The following CDO1 variants were observed in gnomAD, a reference collection of about 807,000 sequenced individuals.
CDO1 encodes the protein cysteine dioxygenase type 1.
Under a neutral mutation model 24.5 loss-of-function variants are expected in CDO1, and 19 were observed. The ratio of observed to expected loss-of-function variants is 0.77; its 90% CI spans 0.54 to 1.14. CDO1 has a LOEUF of 1.14. CDO1 is among the 50% of genes most tolerant of loss of function. CDO1 has a pLI of 0.00. For synonymous variants in CDO1, 91 were observed against 87.0 expected (o/e 1.05, Z -0.26); for missense variants, 244 against 244.8 (o/e 1.00, Z 0.02).
At chr5:115,815,578 A>G (rs967648763) in intron 1 of CDO1, among the ~76,000 whole-genome samples, 4 of 152,232 alleles carry the variant, frequency 2.6e-5, no homozygotes, top group Non-Finnish European at 5.9e-5. Flanking sequence ...AGGGAACAGC[A>G]GAAATTCCGT....
At chr5:115,813,348 C>A in intron 1 of CDO1, 90 bp from the exon 2 acceptor site, 1 of 711,506 alleles carries the variant, frequency 1.4e-6, no homozygotes, top group South Asian at 1.7e-5. Context: ...ACCATTTATT[C>A]ACAAATGTTA....
chr5:115,811,850 G>T lies in CDO1; in HGVS notation c.249-535C>A, dbSNP rs143080296. ...TCTATATGTGTATTACCATCCTAAA[G>T]TTACACTGTATATAAAATGTTAACA... On this transcript the variant is annotated intron_variant, in intron 2 of 4. Transcript: ENST00000250535. Among the ~76,000 whole-genome samples the T allele has an allele frequency of 3.0e-3, 450 of 152,164 alleles. 2 individuals carry two copies. The highest frequency in any genetic ancestry group is 0.01 in the African/African-American group (431 of 41,540).
intron 2 of CDO1, among the ~76,000 whole-genome samples, chr5:115,812,276 A>T (rs1265329391): frequency 6.6e-6 from 1 of 152,182 alleles, no homozygotes; most frequent in African/African-American, 2.4e-5. Flanking sequence ...ATAAAAATGG[A>T]TCTAAATTAT....
chr5:115,812,059 T>C (rs1482770312), intron 2 of CDO1, among the ~76,000 whole-genome samples: 1 of 152,194 alleles, frequency 6.6e-6, no homozygotes, highest in Non-Finnish European at 1.5e-5. Flanking sequence ...TTTTGGGTAT[T>C]CATTTCATCT....
At chr5:115,815,820 C>A (rs1420596962) in intron 1 of CDO1, among the ~76,000 whole-genome samples, 1 of 152,202 alleles carries the variant, frequency 6.6e-6, no homozygotes, top group Non-Finnish European at 1.5e-5. Context: ...AACCTGAGTG[C>A]GGTCTCTCCG....
chr5:115,813,622 G>GT (rs11347287), intron 1 of CDO1, among the ~76,000 whole-genome samples: 376 of 145,038 alleles, frequency 2.6e-3, no homozygotes, highest in South Asian at 4.0e-3. Flanking sequence ...TGTTGCTATT[G>GT]TTTTTTTTTT....
chr5:115,811,399 C>T (rs1289311362), intron 2 of CDO1, 84 bp from the exon 3 acceptor site: 1 of 939,488 alleles, frequency 1.1e-6, no homozygotes, highest in Non-Finnish European at 1.6e-6. Flanking sequence ...GAACTGACAC[C>T]TGCATACTGT....
chr5:115,815,333 G>T (rs1372456440), intron 1 of CDO1, among the ~76,000 whole-genome samples: 1 of 152,096 alleles, frequency 6.6e-6, no homozygotes, highest in East Asian at 1.9e-4. Flanking sequence ...AGAGAGATTC[G>T]ACTTAATCAC....
intron 3 of CDO1, among the ~76,000 whole-genome samples, chr5:115,807,705 A>T (rs1478067085): frequency 6.6e-6 from 1 of 152,024 alleles, no homozygotes; most frequent in African/African-American, 2.4e-5. Flanking sequence ...ACAGTTCAAG[A>T]GGTTTAATAT....
intron 1 of CDO1, among the ~76,000 whole-genome samples, chr5:115,815,203 C>G (rs998548715): frequency 1.3e-5 from 2 of 152,140 alleles, no homozygotes; most frequent in African/African-American, 4.8e-5. Context: ...TTCACTTACC[C>G]CTTTCTCCTA....
chr5:115,813,834 T>G (rs913704700), intron 1 of CDO1: 2 of 152,648 alleles, frequency 1.3e-5, no homozygotes, highest in Non-Finnish European at 1.5e-5. Flanking sequence ...TAAAGAACCC[T>G]CTAAACCTCT....
chr5:115,809,761 A>G (rs535393824), intron 3 of CDO1: 1 of 152,194 alleles, frequency 6.6e-6, no homozygotes, highest in Non-Finnish European at 1.5e-5. Flanking sequence ...GTCTACAGAA[A>G]TAATTAACAT....
Position 115,812,333 on chromosome 5 carries a change from G to A in CDO1, c.248+848C>T, listed in dbSNP as rs1760224442. Among the ~76,000 whole-genome samples, 4 of 152,290 alleles carry A rather than the reference G, an allele frequency of 2.6e-5. No individual in the cohort carries two copies. The South Asian group carries it at 8.3e-4, about 32-fold the overall frequency. Reference sequence around the variant, plus strand: ...TGAGAAAGGTATGTTTCAAAAGAGAGTAATACTTAGTTGATAATAAGACTG... The same window carrying A: ...TGAGAAAGGTATGTTTCAAAAGAGAATAATACTTAGTTGATAATAAGACTG... On this transcript the variant is annotated intron_variant, in intron 2 of 4. Transcript: ENST00000250535.
intron 3 of CDO1, among the ~76,000 whole-genome samples, chr5:115,810,539 TA>T (rs1415276736): frequency 2.0e-5 from 3 of 152,212 alleles, no homozygotes; most frequent in South Asian, 2.1e-4. Flanking sequence ...TAAAAGGGAA[TA>T]AAAAACTATC....
intron 3 of CDO1, among the ~76,000 whole-genome samples, chr5:115,810,558 C>G (rs145888888): frequency 3.2e-4 from 48 of 152,300 alleles, no homozygotes; most frequent in Non-Finnish European, 3.5e-4. Flanking sequence ...ATCTATCTGT[C>G]TCATATACAT....
intron 4 of CDO1, 136 bp from the exon 5 acceptor site, chr5:115,805,598 A>G: frequency 1.4e-6 from 1 of 711,550 alleles, no homozygotes; most frequent in East Asian, 2.7e-5. Context: ...TTTTTCCCGC[A>G]ATAAGAATAT....
At chr5:115,811,566 G>GT (rs774035954) in intron 2 of CDO1, among the ~76,000 whole-genome samples, 169 of 152,258 alleles carry the variant, frequency 1.1e-3, no homozygotes, top group Non-Finnish European at 1.6e-3. Context: ...CTAATGAACA[G>GT]TTTTTTTAAC....
Position 115,805,183 on chromosome 5 carries a change from C to G in CDO1, c.*250G>C. The G allele has an allele frequency of 8.9e-6, 4 of 449,680 alleles. No individual in the cohort carries two copies. Among genetic ancestry groups the G allele is most frequent in the Non-Finnish European group, 1.6e-5 (4 of 255,130 alleles). The allele number at this position is 449,680 out of a possible 1,614,324, so 27.9% of individuals were successfully genotyped here. ...GATTTAATGGAATTAGAGGATAGAA[C>G]TATGAGAGCACTTGAAAACTTGCCT... On this transcript the variant is annotated 3_prime_UTR_variant, in exon 5 of 5. Coordinates refer to ENST00000250535, the MANE Select transcript of CDO1 (RefSeq NM_001801.3).
At chr5:115,808,656 T>G (rs781026899) in intron 3 of CDO1, among the ~76,000 whole-genome samples, 6 of 152,042 alleles carry the variant, frequency 3.9e-5, no homozygotes, top group Non-Finnish European at 8.8e-5. Flanking sequence ...GATCAACGAA[T>G]CTGTGCTGAA....
Sources: gnomAD v4.1 joint callset for allele counts (sites outside exome capture counted in the v4.1 genomes callset) on GRCh38, gnomAD v4.1.1 for gene constraint, MANE v1.5 for transcripts, NCBI Gene and HGNC (gene_info 2026-07-23, HGNC 2026-07-21) for gene names.